DDX51: variants seen among roughly 807,000 people sequenced by gnomAD.
DDX51 encodes ATP-dependent RNA helicase DDX51.
Under a neutral mutation model 74.6 loss-of-function variants are expected in DDX51, and 67 were observed. That is an observed-to-expected ratio of 0.90 (90% CI 0.74 to 1.10). The LOEUF (loss-of-function observed/expected upper bound fraction) is 1.10. Among genes scored for constraint, DDX51 ranks in the 50% least tolerant of loss-of-function variants. The pLI is 0.00. For missense variants in DDX51, 1,056 were observed against 905.2 expected (o/e 1.17, Z -2.14); for synonymous variants, 545 against 402.9 (o/e 1.35, Z -4.22).
In DDX51 at chr12:132,140,718, G is replaced by A; in HGVS notation, c.1458C>T (p.Cys486=). ...PVGLTHHYVP[C]SLSSKPLVVL... The stretch of plus-strand genomic sequence containing the variant: ...CGACCAGCGGCTTAGAGCTGAGGCT[G>A]CAGGGCACGTAGTGGTGCTACAGGG... The change falls in exon 10 of 15, where the codon TGC becomes TGT. Residue 486 remains cysteine (C), a synonymous_variant. Coordinates refer to ENST00000397333, the MANE Select transcript of DDX51 (RefSeq NM_175066.4). 1.2e-6 allele frequency: 2 copies of A among 1,613,062 alleles called. No homozygotes were observed. Among genetic ancestry groups the A allele is most frequent in the Non-Finnish European group, 1.7e-6 (2 of 1,180,026 alleles).
Position 132,143,882 on chromosome 12 carries a change from G to A in DDX51, c.332C>T (p.Pro111Leu). Residue 111 changes from proline to leucine, a missense_variant, in exon 2 of 15, where the codon CCC becomes CTC. Physicochemically the swap from Pro to Leu is moderately conservative, Grantham distance 98 (BLOSUM62 -3). Coordinates refer to ENST00000397333, the MANE Select transcript of DDX51 (RefSeq NM_175066.4). Reference protein sequence around the residue: ...AESNEEAPGEPSAGSSEEAPG... With the variant: ...AESNEEAPGELSAGSSEEAPG... ...CGCCTCCTCGCTGCTCCCTGCGCTG[G>A]GCTCCCCTGGCGCCTCCTCGTTGCT... 3 of 1,510,520 alleles carry A rather than the reference G, an allele frequency of 2.0e-6. No individual in the cohort carries two copies. Among genetic ancestry groups the A allele is most frequent in the African/African-American group, 1.6e-5 (1 of 62,420 alleles). 93.6% of individuals were successfully genotyped at this position (1,510,520 alleles called of 1,614,324 possible).
At position 132,141,965 on chromosome 12, in the gene DDX51, G is replaced by A. The variant is rs776782181; in HGVS notation, c.889-9C>T. The stretch of plus-strand genomic sequence containing the variant: ...TTGAAAACTTTGCTCACCTGCAGGA[G>A]AAGTCTGTCACTGGCCTGGAGGTAG... On this transcript the variant is annotated splice_polypyrimidine_tract_variant and intron_variant, in intron 5 of 14. Transcript: ENST00000397333. The A allele has an allele frequency of 2.4e-5, 39 of 1,612,238 alleles. No individual in the cohort carries two copies. Among genetic ancestry groups the A allele is most frequent in the South Asian group, 4.4e-5 (4 of 91,050 alleles).
chr12:132,143,037 T>TA, intron 2 of DDX51, 159 bp from the exon 3 acceptor site: 1 of 937,436 alleles, frequency 1.1e-6, no homozygotes. Flanking sequence ...CTTCAGAAGT[T>TA]AAACAGTAAA....
At position 132,140,934 on chromosome 12, in the gene DDX51, A is replaced by G; in HGVS notation, c.1337T>C (p.Leu446Pro). The G allele has an allele frequency of 6.2e-7, 1 of 1,613,218 alleles. No individual in the cohort carries two copies. The highest frequency in any genetic ancestry group is 2.2e-5 in the East Asian group (1 of 44,880). The stretch of plus-strand genomic sequence containing the variant: ...TGTGGAGAAAAGCCGGGGCTGGTGG[A>G]GGCCCAGCTGCTGCAGCTTTTCAGG... ...QNPEKLQQLG[L>P]HQPRLFSTGL... Residue 446 changes from leucine to proline, a missense_variant, in exon 9 of 15, where the codon CTC (leucine) becomes CCC (proline). Transcript: ENST00000397333.
In DDX51 at chr12:132,139,150, G is replaced by T; in HGVS notation, c.*122C>A. 1 of 1,432,984 alleles carries T rather than the reference G, an allele frequency of 7.0e-7. No homozygotes were observed. Among genetic ancestry groups the T allele is most frequent in the Non-Finnish European group, 9.4e-7 (1 of 1,060,216 alleles). 88.8% of individuals were successfully genotyped at this position (1,432,984 alleles called of 1,614,324 possible). On this transcript the variant is annotated 3_prime_UTR_variant, in exon 15 of 15. Coordinates refer to ENST00000397333, the MANE Select transcript of DDX51 (RefSeq NM_175066.4). ...CTGGCGCAGAGACCACGTGCTTGGG[G>T]AGGAAGGCTGTGTCCACTGGGGGAT...
At position 132,140,156 on chromosome 12, in the gene DDX51, C is replaced by A. The variant is rs150150422; in HGVS notation, c.1717G>T (p.Gly573Cys). 6.2e-7 allele frequency: 1 copy of A among 1,612,804 alleles called. No homozygotes were observed. The highest frequency in any genetic ancestry group is 8.5e-7 in the Non-Finnish European group (1 of 1,179,998). ...TCGTAGTTCACCACCAGCTCCACAC[C>A]CTGCACGTCGATGCCTCGCGCGGTG... ...DATARGIDVQ[G>C]VELVVNYDAP... The change falls in exon 12 of 15, where the codon GGT (glycine) becomes TGT (cysteine). Residue 573 changes from glycine to cysteine, a missense_variant. Transcript: ENST00000397333.
Position 132,141,867 on chromosome 12 carries a change from C to G in DDX51, c.978G>C (p.Glu326Asp). The G allele has an allele frequency of 6.2e-7, 1 of 1,613,180 alleles. No homozygotes were observed. Among genetic ancestry groups the G allele is most frequent in the Non-Finnish European group, 8.5e-7 (1 of 1,179,996 alleles). The change falls in exon 6 of 15, where the codon GAG becomes GAC. Residue 326 changes from glutamate to aspartate, a missense_variant. Coordinates refer to ENST00000397333, the MANE Select transcript of DDX51 (RefSeq NM_175066.4). ...CAACCTACGTTTTCTGGACGAGGCT[C>G]TCCTGCTCCTTGGCCAGAGACTTCT... is the stretch of plus-strand genomic sequence containing the variant. ...TGQKSLAKEQ[E>D]SLVQKTADGY... is the part of the protein sequence containing the mutation.
At position 132,140,908 on chromosome 12, in the gene DDX51, C is replaced by T. The variant is rs570734389; in HGVS notation, c.1363G>A (p.Gly455Arg). The change falls in exon 9 of 15, where the codon GGG (glycine) becomes AGG (arginine). Residue 455 changes from glycine (G) to arginine (R), a missense_variant. Transcript: ENST00000397333. ...TCTTCCAGGCCCCTGTGTGCTAGCC[C>T]TGTGGAGAAAAGCCGGGGCTGGTGG... The part of the protein sequence containing the change: ...GLHQPRLFST[G>R]LAHRGLEDTD... 77 of 1,613,480 alleles carry T rather than the reference C, an allele frequency of 4.8e-5. No homozygotes were observed. In the South Asian group the frequency reaches 8.2e-4, roughly 17 times the overall value.
At chr12:132,142,953 T>A in intron 2 of DDX51, 75 bp from the exon 3 acceptor site, 1 of 1,596,634 alleles carries the variant, frequency 6.3e-7, no homozygotes, top group Non-Finnish European at 8.5e-7. Flanking sequence ...TGGAAAAAGC[T>A]AGGGGAGGGA....
chr12:132,141,833 A>G lies in DDX51; in HGVS notation c.995+17T>C, dbSNP rs776495247. 1 of 1,612,374 alleles carries G rather than the reference A, an allele frequency of 6.2e-7. No individual in the cohort carries two copies. Among genetic ancestry groups the G allele is most frequent in the Non-Finnish European group, 8.5e-7 (1 of 1,179,576 alleles). ...AGCAGGGACCCCCTGAAAAACCCGC[A>G]CCCTGACACAACCTACGTTTTCTGG... On this transcript the variant is annotated intron_variant, in intron 6 of 14. Transcript: ENST00000397333.
chr12:132,142,807 A>G lies in DDX51; in HGVS notation c.591T>C (p.Val197=). ...GGACGTCAGGGATGTCCTCGATAGG[A>G]ACCAGGTCTTCGGTGACATTCCTTC... is the stretch of plus-strand genomic sequence containing the variant. ...CVRRNVTEDL[V]PIEDIPDVHP... The change falls in exon 3 of 15, where the codon GTT becomes GTC. Residue 197 remains valine, a synonymous_variant. Coordinates refer to ENST00000397333, the MANE Select transcript of DDX51 (RefSeq NM_175066.4). The G allele has an allele frequency of 6.2e-7, 1 of 1,613,046 alleles. No individual in the cohort carries two copies. Among genetic ancestry groups the G allele is most frequent in the Non-Finnish European group, 8.5e-7 (1 of 1,179,994 alleles).
chr12:132,140,597 C>A (rs759598421), intron 10 of DDX51, 23 bp downstream of exon 10: 1 of 1,612,520 alleles, frequency 6.2e-7, no homozygotes, highest in South Asian at 1.1e-5. Context: ...ACCTCTGCCA[C>A]CCCCGCCCAG....
Position 132,139,895 on chromosome 12 carries a change from G to A in DDX51, c.1805C>T (p.Thr602Ile), listed in dbSNP as rs373307850. Residue 602 changes from threonine to isoleucine, a missense_variant, in exon 13 of 15, where the codon ACT becomes ATT. Physicochemically the swap from Thr to Ile is moderately conservative, Grantham distance 89. Coordinates refer to ENST00000397333, the MANE Select transcript of DDX51 (RefSeq NM_175066.4). ...RVGRTARAGK[T>I]GQAFTLLLKV... ...CAGGAGCAGTGTGAAGGCCTGTCCA[G>A]TTTTCCCAGCGCGAGCTGTCCTCCC... is the stretch of plus-strand genomic sequence containing the variant. 1.2e-3 allele frequency: 1,960 copies of A among 1,613,144 alleles called. 38 individuals are homozygous for A. The South Asian group carries it at 0.02, about 17-fold the overall frequency.
At position 132,143,857 on chromosome 12, in the gene DDX51, C is replaced by G; in HGVS notation, c.357G>C (p.Ala119=). 6.5e-7 allele frequency: 1 copy of G among 1,531,038 alleles called. No homozygotes were observed. 94.8% of individuals were successfully genotyped at this position (1,531,038 alleles called of 1,614,324 possible). Residue 119 remains alanine, a synonymous_variant, in exon 2 of 15, where the codon GCG becomes GCC. Coordinates refer to ENST00000397333, the MANE Select transcript of DDX51 (RefSeq NM_175066.4). ...TGCTCCCTGCGCTGGGCTCCCCTGG[C>G]GCCTCCTCGCTGCTCCCTGCGCTGG... ...GEPSAGSSEE[A]PGEPSAGSSE...
At chr12:132,142,956 G>A (rs971851254) in intron 2 of DDX51, 78 bp from the exon 3 acceptor site, 3 of 1,594,116 alleles carry the variant, frequency 1.9e-6, no homozygotes, top group Non-Finnish European at 2.6e-6. Context: ...AAAAAGCTAG[G>A]GGAGGGAGGC....
At position 132,141,553 on chromosome 12, in the gene DDX51, A is replaced by C; in HGVS notation, c.1049T>G (p.Leu350Arg). The change falls in exon 7 of 15, where the codon CTG becomes CGG. Residue 350 changes from leucine to arginine, a missense_variant. By Grantham distance (102) the Leu-to-Arg change is moderately radical (BLOSUM62 -2). Transcript: ENST00000397333. ...ADIVVATPGR[L>R]VDHIDQTPGF... is the part of the protein sequence containing the mutation. ...TGGGGTCTGGTCGATGTGGTCCACC[A>C]GGCGGCCGGGGGTGGCTACCACGAT... 1 of 1,604,800 alleles carries C rather than the reference A, an allele frequency of 6.2e-7. No individual in the cohort carries two copies. Among genetic ancestry groups the C allele is most frequent in the Non-Finnish European group, 8.5e-7 (1 of 1,177,700 alleles).
intron 13 of DDX51, 29 bp from the exon 14 acceptor site, chr12:132,139,798 T>C (rs761324385): frequency 1.8e-5 from 29 of 1,612,356 alleles, no homozygotes; most frequent in Non-Finnish European, 2.4e-5. Flanking sequence ...TGGAAGGGGG[T>C]TCTTGGGCCA....
In DDX51 at chr12:132,142,115, A is replaced by G. The variant is rs746006093; in HGVS notation, c.888+4T>C. Reference sequence around the variant, plus strand: ...GCCACGCTCCAGGTCTAGGGTCCACATACCTGCTGGGCCAGCTCCTTGGTG... The same window carrying G: ...GCCACGCTCCAGGTCTAGGGTCCACGTACCTGCTGGGCCAGCTCCTTGGTG... On this transcript the variant is annotated splice_donor_region_variant and intron_variant, in intron 5 of 14. Coordinates refer to ENST00000397333, the MANE Select transcript of DDX51 (RefSeq NM_175066.4). 6.4e-7 allele frequency: 1 copy of G among 1,550,466 alleles called. No homozygotes were observed. The highest frequency in any genetic ancestry group is 1.2e-5 in the South Asian group (1 of 80,124).
In DDX51 at chr12:132,139,930, A is replaced by G. The variant is rs372467556; in HGVS notation, c.1776-6T>C. 1.2e-6 allele frequency: 2 copies of G among 1,612,812 alleles called. No homozygotes were observed. The highest frequency in any genetic ancestry group is 1.7e-6 in the Non-Finnish European group (2 of 1,179,948). On this transcript the variant is annotated splice_region_variant and splice_polypyrimidine_tract_variant and intron_variant, in intron 12 of 14. Transcript: ENST00000397333. The stretch of plus-strand genomic sequence containing the variant: ...CGCGAGCTGTCCTCCCAACCCTGGA[A>G]TCAAACGCAGCTATCTCCAGACTGG...
Sources: allele counts gnomAD v4.1 joint callset, GRCh38; gene constraint gnomAD v4.1.1; transcripts MANE v1.5; gene names NCBI Gene and HGNC (gene_info 2026-07-23, HGNC 2026-07-21).